EPHA6: variants seen among roughly 807,000 people sequenced by gnomAD.
EPHA6 encodes EPH receptor A6, also known as ephrin type-A receptor 6.
Under a neutral mutation model 112.0 loss-of-function variants are expected in EPHA6, and 50 were observed. The ratio of observed to expected loss-of-function variants is 0.45; its 90% CI spans 0.36 to 0.56. The LOEUF (loss-of-function observed/expected upper bound fraction) is 0.56, where lower values mean the gene tolerates loss of function less well. Among genes scored for constraint, EPHA6 ranks in the 20% least tolerant of loss-of-function variants. The pLI, the probability that EPHA6 is intolerant of heterozygous loss-of-function variation, is 0.00. For missense variants in EPHA6, 1,280 were observed against 1,417.4 expected, an observed-to-expected ratio of 0.90 and a Z score of 1.56; for synonymous variants, 529 against 490.7, an observed-to-expected ratio of 1.08 and a Z score of -1.03.
chr3:97,189,820 T>C (rs575435104), intron 3 of EPHA6, among the ~76,000 whole-genome samples: 3 of 152,268 alleles, frequency 2.0e-5, no homozygotes, highest in Middle Eastern at 3.4e-3. Flanking sequence ...AAACCATTTC[T>C]ACTTGTATAA....
intron 14 of EPHA6, among the ~76,000 whole-genome samples, chr3:97,641,915 G>A (rs1025314085): frequency 6.6e-6 from 1 of 151,258 alleles, no homozygotes; most frequent in Non-Finnish European, 1.5e-5. Context: ...CAGCCAGGAA[G>A]CTCGAACTGG....
At chr3:97,271,064 A>T (rs2079861719) in intron 5 of EPHA6, among the ~76,000 whole-genome samples, 1 of 152,182 alleles carries the variant, frequency 6.6e-6, no homozygotes. Context: ...TGACAATTAG[A>T]GGGTAATGAG....
chr3:97,316,735 A>G (rs1010612067), intron 5 of EPHA6, among the ~76,000 whole-genome samples: 2 of 151,958 alleles, frequency 1.3e-5, no homozygotes, highest in African/African-American at 2.4e-5. Flanking sequence ...TGATTTTACA[A>G]GTAGTTTTAT....
intron 6 of EPHA6, among the ~76,000 whole-genome samples, chr3:97,413,341 G>A (rs2087869499): frequency 6.6e-6 from 1 of 151,786 alleles, no homozygotes; most frequent in South Asian, 2.1e-4. Flanking sequence ...TGTGACCTGA[G>A]TTTTTTCCAA....
intron 3 of EPHA6, among the ~76,000 whole-genome samples, chr3:97,143,159 A>G (rs192373113): frequency 0.013 from 2,030 of 151,756 alleles, 39 homozygotes; most frequent in African/African-American, 0.044. Flanking sequence ...AATCTCATTA[A>G]CAATAGACAC....
At chr3:96,887,933 C>G (rs1357374487) in intron 2 of EPHA6, among the ~76,000 whole-genome samples, 2 of 152,082 alleles carry the variant, frequency 1.3e-5, no homozygotes, top group South Asian at 2.1e-4. Context: ...CCCTGTCTCA[C>G]TCCCACTGTG....
intron 5 of EPHA6, among the ~76,000 whole-genome samples, chr3:97,342,603 A>T (rs1291141976): frequency 1.3e-5 from 2 of 152,202 alleles, no homozygotes; most frequent in African/African-American, 2.4e-5. Flanking sequence ...CTTCAATGTG[A>T]TAGTATTTCC....
At chr3:97,385,904 G>T (rs1303235643) in intron 5 of EPHA6, among the ~76,000 whole-genome samples, 2 of 152,156 alleles carry the variant, frequency 1.3e-5, no homozygotes, top group African/African-American at 4.8e-5. Context: ...CAAGGGGGAA[G>T]TCTGCCCTCA....
chr3:97,704,895 G>A (rs2033598305), intron 14 of EPHA6, among the ~76,000 whole-genome samples: 1 of 152,118 alleles, frequency 6.6e-6, no homozygotes, highest in African/African-American at 2.4e-5. Context: ...GAATTATGAA[G>A]TAATGTTACT....
At position 97,106,136 on chromosome 3, in the gene EPHA6, A is replaced by G. The variant is rs77368791; in HGVS notation, c.1114+118143A>G. Reference sequence around the variant, plus strand: ...TATTAAAAGCAAATTTTTGCCTGCAATAGATATGGAAATGCTTAGAAAGAT... The same window carrying G: ...TATTAAAAGCAAATTTTTGCCTGCAGTAGATATGGAAATGCTTAGAAAGAT... On this transcript the variant is annotated intron_variant, in intron 3 of 17. Transcript: ENST00000389672. Among the ~76,000 whole-genome samples, 981 of 152,212 alleles carry G rather than the reference A, an allele frequency of 6.4e-3. 8 individuals are homozygous for G. The highest frequency in any genetic ancestry group is 0.02 in the Admixed American group (310 of 15,250).
At chr3:97,181,796 A>G (rs1046883397) in intron 3 of EPHA6, among the ~76,000 whole-genome samples, 2 of 152,128 alleles carry the variant, frequency 1.3e-5, no homozygotes, top group African/African-American at 2.4e-5. Flanking sequence ...AACTAGATTT[A>G]TAGCATGGAT....
At chr3:96,858,752 A>G (rs1206110542) in intron 1 of EPHA6, among the ~76,000 whole-genome samples, 1 of 152,104 alleles carries the variant, frequency 6.6e-6, no homozygotes, top group East Asian at 1.9e-4. Flanking sequence ...ATGGGGATAG[A>G]TGTCCAGGGT....
intron 5 of EPHA6, among the ~76,000 whole-genome samples, chr3:97,323,648 T>C (rs1186878086): frequency 6.6e-6 from 1 of 152,030 alleles, no homozygotes; most frequent in Non-Finnish European, 1.5e-5. Context: ...TATTTAATTC[T>C]ATATTCAAAT....
chr3:97,623,013 A>C (rs1199060347), intron 13 of EPHA6, among the ~76,000 whole-genome samples: 12 of 151,624 alleles, frequency 7.9e-5, no homozygotes. Context: ...TTCCCTTAGG[A>C]GATATATGAT....
At chr3:97,032,391 G>T (rs1275365736) in intron 3 of EPHA6, among the ~76,000 whole-genome samples, 1 of 151,682 alleles carries the variant, frequency 6.6e-6, no homozygotes, top group South Asian at 2.1e-4. Context: ...TGGCACATGT[G>T]TACCTATGTA....
At chr3:96,998,433 T>TA (rs1484551711) in intron 3 of EPHA6, among the ~76,000 whole-genome samples, 2 of 151,982 alleles carry the variant, frequency 1.3e-5, no homozygotes, top group Non-Finnish European at 2.9e-5. Flanking sequence ...GTTCTTTTGA[T>TA]AAAGTTCTAT....
chr3:97,188,379 A>T (rs926225910), intron 3 of EPHA6, among the ~76,000 whole-genome samples: 1 of 152,068 alleles, frequency 6.6e-6, no homozygotes, highest in Non-Finnish European at 1.5e-5. Context: ...ATTTTAAAAC[A>T]CACAGAAGCA....
At chr3:97,543,558 G>A (rs1311367174) in intron 11 of EPHA6, among the ~76,000 whole-genome samples, 1 of 152,130 alleles carries the variant, frequency 6.6e-6, no homozygotes, top group Non-Finnish European at 1.5e-5. Context: ...TTTTGGCTTA[G>A]GATTGACTTG....
chr3:97,526,847 A>G (rs935501589), intron 10 of EPHA6, among the ~76,000 whole-genome samples: 7 of 151,662 alleles, frequency 4.6e-5, no homozygotes, highest in Non-Finnish European at 8.8e-5. Context: ...GGAGGCTGAC[A>G]GTCTAATGGC....
Sources: gnomAD v4.1 joint callset for allele counts (sites outside exome capture counted in the v4.1 genomes callset) on GRCh38, gnomAD v4.1.1 for gene constraint, MANE v1.5 for transcripts, NCBI Gene and HGNC (gene_info 2026-07-23, HGNC 2026-07-21) for gene names.